The following CEP250 variants were observed in gnomAD, a reference collection of about 807,000 sequenced individuals.
CEP250 encodes centrosomal protein 250.
A neutral mutation model predicts 315.7 loss-of-function variants in CEP250; 242 were observed. The ratio of observed to expected loss-of-function variants is 0.77; its 90% CI spans 0.69 to 0.85. The LOEUF is 0.85. CEP250 is among the 40% of genes least tolerant of loss of function. The pLI is 0.00. For synonymous variants in CEP250, 1,088 were observed against 1,175.0 expected, an observed-to-expected ratio of 0.93 and a Z score of 1.51; for missense variants, 2,515 against 2,886.4, an observed-to-expected ratio of 0.87 and a Z score of 2.95.
At chr20:35,475,798 A>G (rs1174855665) in intron 15 of CEP250, 152 bp downstream of exon 15, 6 of 800,342 alleles carry the variant, frequency 7.5e-6, no homozygotes, top group South Asian at 1.8e-5. Flanking sequence ...CATACCCTCT[A>G]TATTGGAATT....
chr20:35,518,780 T>A lies in CEP250; in HGVS notation c.*7154T>A, dbSNP rs1166158125. 6.6e-6 allele frequency: 1 copy of A among 152,112 alleles called. No individual in the cohort carries two copies. Among genetic ancestry groups the A allele is most frequent in the Non-Finnish European group, 1.5e-5 (1 of 68,042 alleles). 9.4% of individuals were successfully genotyped at this position (152,112 alleles called of 1,614,324 possible). ...GTGCAGTGGCTCACGCCTGTAATCC[T>A]AGCACTTGTGGGAGGCTGAGGCAGG... On this transcript the variant is annotated 3_prime_UTR_variant, in exon 35 of 35. Transcript: ENST00000397527.
At chr20:35,462,958 GGTTAA>G (rs978321753) in intron 4 of CEP250, among the ~76,000 whole-genome samples, 52 of 152,180 alleles carry the variant, frequency 3.4e-4, no homozygotes, top group African/African-American at 1.3e-3. Context: ...AATTCACAAG[GGTTAA>G]GTTAATTATC....
At chr20:35,493,318 G>GA in intron 22 of CEP250, 111 bp from the exon 23 acceptor site, 2 of 1,035,296 alleles carry the variant, frequency 1.9e-6, no homozygotes, top group Non-Finnish European at 1.4e-6. Flanking sequence ...AGGTGAGGTG[G>GA]AAACAATGTG....
At chr20:35,474,193 C>T (rs1472920825) in intron 14 of CEP250, 141 bp downstream of exon 14, 3 of 709,204 alleles carry the variant, frequency 4.2e-6, no homozygotes, top group African/African-American at 3.8e-5. Context: ...CTGCTTCTTC[C>T]TTTGCAGAAA....
intron 10 of CEP250, among the ~76,000 whole-genome samples, chr20:35,471,095 C>T (rs894356317): frequency 1.3e-5 from 2 of 152,220 alleles, no homozygotes; most frequent in Non-Finnish European, 2.9e-5. Context: ...GGAATTGTAG[C>T]TTTCTGATTC....
chr20:35,509,799 G>A (rs1222347683), intron 33 of CEP250, among the ~76,000 whole-genome samples, 199 bp from the exon 34 acceptor site: 2 of 152,350 alleles, frequency 1.3e-5, no homozygotes, highest in East Asian at 1.9e-4. Context: ...TCTCCATGGC[G>A]TTGCCCATTA....
Position 35,476,477 on chromosome 20 carries a change from G to A in CEP250, c.1745G>A (p.Ser582Asn). 6.2e-7 allele frequency: 1 copy of A among 1,613,966 alleles called. No individual in the cohort carries two copies. Among genetic ancestry groups the A allele is most frequent in the Non-Finnish European group, 8.5e-7 (1 of 1,179,854 alleles). The change falls in exon 16 of 35, where the codon AGT becomes AAT. Residue 582 changes from serine (S) to asparagine (N), a missense_variant. Transcript: ENST00000397527. Reference protein sequence around the residue: ...RAEQSIAELSSSENTLKTEVA... With the variant: ...RAEQSIAELSNSENTLKTEVA... ...GAGCAGTCAATTGCAGAGCTGTCGA[G>A]TTCTGAAAACACCCTGAAGACAGAA...
At position 35,479,315 on chromosome 20, in the gene CEP250, G is replaced by T; in HGVS notation, c.2179G>T (p.Ala727Ser). Residue 727 changes from alanine (A) to serine (S), a missense_variant, in exon 18 of 35, where the codon GCA becomes TCA. Transcript: ENST00000397527. ...AKRQEEVLAR[A>S]VQEKEALVRE... Reference sequence around the variant, plus strand: ...GCGACAGGAAGAAGTGCTTGCCAGGGCAGTCCAGGAGAAGGAGGCCCTAGT... The same window carrying T: ...GCGACAGGAAGAAGTGCTTGCCAGGTCAGTCCAGGAGAAGGAGGCCCTAGT... The T allele has an allele frequency of 1.2e-6, 2 of 1,614,236 alleles. No individual in the cohort carries two copies. Among genetic ancestry groups the T allele is most frequent in the Non-Finnish European group, 1.7e-6 (2 of 1,180,048 alleles).
intron 8 of CEP250, 61 bp from the exon 9 acceptor site, chr20:35,467,243 G>A (rs900369302): frequency 1.3e-4 from 204 of 1,571,316 alleles, no homozygotes; most frequent in Non-Finnish European, 1.7e-4. Context: ...CACTGGGCCT[G>A]ATCACCACAC....
rs187878542 is a variant in CEP250, at chr20:35,497,561, A to C, written c.3307-158A>C. Among the ~76,000 whole-genome samples, 4 of 152,028 alleles carry C rather than the reference A, an allele frequency of 2.6e-5. No individual in the cohort carries two copies. The East Asian group carries it at 5.8e-4, about 22-fold the overall frequency. On this transcript the variant is annotated intron_variant, in intron 25 of 34. Transcript: ENST00000397527. Reference sequence around the variant, plus strand: ...AGCCAGGTGTTAGATCTAGGGTAACACTCATTTCAGAGCCCCTCTACCTGC... The same window carrying C: ...AGCCAGGTGTTAGATCTAGGGTAACCCTCATTTCAGAGCCCCTCTACCTGC...
Position 35,504,582 on chromosome 20 carries a change from G to A in CEP250, c.6213G>A (p.Glu2071=). The A allele has an allele frequency of 6.2e-7, 1 of 1,614,098 alleles. No homozygotes were observed. The highest frequency in any genetic ancestry group is 1.7e-5 in the Admixed American group (1 of 60,026). The change falls in exon 30 of 35, where the codon GAG becomes GAA. Residue 2071 remains glutamate (E), a synonymous_variant. Coordinates refer to ENST00000397527, the MANE Select transcript of CEP250 (RefSeq NM_007186.6). The part of the protein sequence containing the change: ...LEKSLAQRVQ[E]NMIQEKQNLG... ...AGTCTCTGGCCCAGAGGGTCCAAGA[G>A]AATATGATCCAAGAGAAGCAGAATC...
rs1441748921 is a variant in CEP250 at position 35,458,881 on chromosome 20, A to G, written c.-227+507A>G. Among the ~76,000 whole-genome samples the G allele has an allele frequency of 2.0e-5, 3 of 152,008 alleles. No individual in the cohort carries two copies. The East Asian group carries it at 5.8e-4, about 29-fold the overall frequency. ...TTTTTTACAACAATTTTAGGGTTAC[A>G]GAAAAATTGCATAGTACAGAGAGTT... On this transcript the variant is annotated intron_variant, in intron 2 of 34. Coordinates refer to ENST00000397527, the MANE Select transcript of CEP250 (RefSeq NM_007186.6).
In CEP250 at chr20:35,466,977, C is replaced by G; in HGVS notation, c.504C>G (p.Gly168=). 6.2e-7 allele frequency: 1 copy of G among 1,612,074 alleles called. No homozygotes were observed. The highest frequency in any genetic ancestry group is 8.5e-7 in the Non-Finnish European group (1 of 1,178,186). Residue 168 remains glycine, a synonymous_variant, in exon 8 of 35, where the codon GGC becomes GGG. Transcript: ENST00000397527. Reference sequence around the variant, plus strand: ...TTCTGAACACACAGTTCTTCAAGGGCTACCTGAAAGGGGAGCACGGTCGCC... The same window carrying G: ...TTCTGAACACACAGTTCTTCAAGGGGTACCTGAAAGGGGAGCACGGTCGCC... ...QWQMEQEFFK[G]YLKGEHGRLL...
In CEP250 at chr20:35,508,189, A is replaced by G. The variant is rs750911269; in HGVS notation, c.6905A>G (p.Gln2302Arg). 2 of 1,613,716 alleles carry G rather than the reference A, an allele frequency of 1.2e-6. No homozygotes were observed. The highest frequency in any genetic ancestry group is 1.7e-6 in the Non-Finnish European group (2 of 1,179,900). ...GTCCAGCTGCGGAGTACCTTGGAGCAGGTGACCCCTCTTCTTGTCCAGTGG... is the reference window on the plus strand; with the variant it reads ...GTCCAGCTGCGGAGTACCTTGGAGCGGGTGACCCCTCTTCTTGTCCAGTGG... Reference protein sequence around the residue: ...HNVQLRSTLEQVERERRKLKR... With the variant: ...HNVQLRSTLERVERERRKLKR... The change falls in exon 32 of 35, where the codon CAG (glutamine) becomes CGG (arginine). Residue 2302 changes from glutamine (Q) to arginine (R), a missense_variant and splice_region_variant. Transcript: ENST00000397527.
In CEP250 at chr20:35,515,500, A is replaced by G. The variant is rs550763794; in HGVS notation, c.*3874A>G. On this transcript the variant is annotated 3_prime_UTR_variant, in exon 35 of 35. Coordinates refer to ENST00000397527, the MANE Select transcript of CEP250 (RefSeq NM_007186.6). ...CTCTGGGGCCAGTGGCAGAACTTCT[A>G]GAAGTACCTGTGGGGTGGGAAACCC... is the stretch of plus-strand genomic sequence containing the variant. 3.3e-5 allele frequency: 5 copies of G among 152,416 alleles called. No homozygotes were observed. In the South Asian group the frequency reaches 8.3e-4, roughly 25 times the overall value. The allele number at this position is 152,416 out of a possible 1,614,324, so 9.4% of individuals were successfully genotyped here. A position where few individuals can be genotyped will look rare whatever the true frequency, so the allele number is the denominator to read the frequency against.
chr20:35,482,434 A>G (rs1253865728), intron 20 of CEP250, among the ~76,000 whole-genome samples: 1 of 151,208 alleles, frequency 6.6e-6, no homozygotes, highest in African/African-American at 2.4e-5. Flanking sequence ...AATTTTTTGT[A>G]TTCACCGTGT....
At chr20:35,491,430 T>C (rs984709402) in intron 22 of CEP250, 84 bp downstream of exon 22, 9 of 1,417,948 alleles carry the variant, frequency 6.3e-6, no homozygotes, top group Admixed American at 2.0e-5. Context: ...GCACTTCTTA[T>C]GTGCCAGGCC....
chr20:35,514,913 T>C lies in CEP250; in HGVS notation c.*3287T>C, dbSNP rs1325879967. ...GTGCTTTAAGTGCAGGGGAGTTCTG[T>C]TGTCCACGTTATTCTTAAAGCCCAG... On this transcript the variant is annotated 3_prime_UTR_variant, in exon 35 of 35. Transcript: ENST00000397527. The C allele has an allele frequency of 6.6e-6, 1 of 152,202 alleles. No homozygotes were observed. Among genetic ancestry groups the C allele is most frequent in the African/African-American group, 2.4e-5 (1 of 41,444 alleles). The allele number at this position is 152,202 out of a possible 1,614,324, so 9.4% of individuals were successfully genotyped here. A position where few individuals can be genotyped will look rare whatever the true frequency, so the allele number is the denominator to read the frequency against.
In CEP250 at chr20:35,511,724, A is replaced by G. The variant is rs2064367910; in HGVS notation, c.*98A>G. The G allele has an allele frequency of 6.8e-7, 1 of 1,469,028 alleles. No individual in the cohort carries two copies. The highest frequency in any genetic ancestry group is 9.0e-7 in the Non-Finnish European group (1 of 1,112,692). The allele number at this position is 1,469,028 out of a possible 1,614,324, so 91.0% of individuals were successfully genotyped here. A position where few individuals can be genotyped will look rare whatever the true frequency, so the allele number is the denominator to read the frequency against. The stretch of plus-strand genomic sequence containing the variant: ...GCCAAAGGAAAAGCCTGGCTCTGTT[A>G]GGCACCCAGGAGCCCCAGGTCGGCG... On this transcript the variant is annotated 3_prime_UTR_variant, in exon 35 of 35. Transcript: ENST00000397527.
Sources: allele counts gnomAD v4.1 joint callset (sites outside exome capture counted in the v4.1 genomes callset), GRCh38; gene constraint gnomAD v4.1.1; transcripts MANE v1.5; gene names NCBI Gene and HGNC (gene_info 2026-07-23, HGNC 2026-07-21).